GRIK2: variants seen among roughly 807,000 people sequenced by gnomAD.
The protein encoded by GRIK2 is glutamate ionotropic receptor kainate type subunit 2, also known as glutamate receptor ionotropic, kainate 2.
A neutral mutation model predicts 100.3 loss-of-function variants in GRIK2; 32 were observed. The observed-to-expected ratio is 0.32, with a 90% confidence interval of 0.24 to 0.43. The LOEUF (loss-of-function observed/expected upper bound fraction) is 0.43. Ranked by LOEUF, GRIK2 falls within the 20% of genes least tolerant of loss-of-function variation. The probability of loss-of-function intolerance (pLI) is 1.00; values close to 1 mark genes in which losing one functional copy is unlikely to be tolerated. For missense variants in GRIK2, 843 were observed against 1,114.9 expected (o/e 0.76, Z 3.47); for synonymous variants, 417 against 389.4 (o/e 1.07, Z -0.83).
chr6:101,574,810 C>A lies in GRIK2; in HGVS notation c.116-47139C>A, dbSNP rs114442134. ...TAAAATAACAGATATTATGTGGTAACCTATTTTTAATAAATTCAACTATTA... is the reference window on the plus strand; with the variant it reads ...TAAAATAACAGATATTATGTGGTAAACTATTTTTAATAAATTCAACTATTA... On this transcript the variant is annotated intron_variant, in intron 2 of 16. Transcript: ENST00000369134. Among the ~76,000 whole-genome samples, 1,048 of 151,666 alleles carry A rather than the reference C, an allele frequency of 6.9e-3. 18 individuals carry two copies. Among genetic ancestry groups the A allele is most frequent in the African/African-American group, 0.024 (997 of 41,438 alleles).
At chr6:101,834,757 G>A (rs1782954903) in intron 10 of GRIK2, among the ~76,000 whole-genome samples, 1 of 151,760 alleles carries the variant, frequency 6.6e-6, no homozygotes, top group Admixed American at 6.6e-5. Flanking sequence ...CACCTTCCAG[G>A]GCAGACATGG....
intron 15 of GRIK2, among the ~76,000 whole-genome samples, chr6:102,036,588 G>T (rs1156801565): frequency 6.6e-6 from 1 of 150,496 alleles, no homozygotes; most frequent in Non-Finnish European, 1.5e-5. Context: ...GTAGAGAGAG[G>T]GAGAGAGAAA....
chr6:101,530,482 C>T (rs553297364), intron 2 of GRIK2, among the ~76,000 whole-genome samples: 9 of 151,006 alleles, frequency 6.0e-5, no homozygotes, highest in South Asian at 4.2e-4. Context: ...TATGTATTCA[C>T]GAAAATAATC....
chr6:101,545,576 T>C (rs966600426), intron 2 of GRIK2, among the ~76,000 whole-genome samples: 2 of 152,180 alleles, frequency 1.3e-5, no homozygotes, highest in Non-Finnish European at 2.9e-5. Flanking sequence ...ATCTTTATCT[T>C]GCGGTGTTTC....
intron 7 of GRIK2, among the ~76,000 whole-genome samples, chr6:101,697,352 T>A (rs200560080): frequency 2.4e-4 from 4 of 16,536 alleles, no homozygotes; most frequent in Non-Finnish European, 1.6e-3. Flanking sequence ...TGTGTGTGTG[T>A]GTGTGTGTGT....
chr6:101,985,779 TAAGA>T (rs1447601066), intron 14 of GRIK2, among the ~76,000 whole-genome samples: 3 of 151,538 alleles, frequency 2.0e-5, no homozygotes, highest in African/African-American at 7.3e-5. Context: ...AAAATAAAAT[TAAGA>T]AAGAAAGTAA....
intron 2 of GRIK2, among the ~76,000 whole-genome samples, chr6:101,578,617 A>G (rs532226434): frequency 6.6e-6 from 1 of 151,480 alleles, no homozygotes; most frequent in Non-Finnish European, 1.5e-5. Flanking sequence ...GGTAGCCAGG[A>G]GGGGATAGAA....
intron 2 of GRIK2, among the ~76,000 whole-genome samples, chr6:101,444,840 A>C (rs2518249): frequency 0.96 from 146,404 of 152,164 alleles, 70,468 homozygotes; most frequent in African/African-American, 0.99. Flanking sequence ...ATCAGCATAT[A>C]CCTCTGTTTT....
intron 7 of GRIK2, among the ~76,000 whole-genome samples, chr6:101,773,437 G>A (rs1030876288): frequency 2.8e-5 from 4 of 143,140 alleles, no homozygotes; most frequent in Admixed American, 7.3e-5. Context: ...CCGAGATCGT[G>A]CCATTGCACT....
rs916810556 is a variant in GRIK2, at chr6:101,569,790, G to A, written c.116-52159G>A. On this transcript the variant is annotated intron_variant, in intron 2 of 16. Transcript: ENST00000369134. ...CTAAATCCTTTCGGAAGGAATGATT[G>A]TAATAAGGTGAGTAAATTCCTAGAT... 2.0e-5 allele frequency among the ~76,000 whole-genome samples: 3 copies of A among 152,024 alleles called. No individual in the cohort carries two copies. In the South Asian group the frequency reaches 6.2e-4, roughly 32 times the overall value.
chr6:101,636,743 A>G (rs1781039025), intron 4 of GRIK2, among the ~76,000 whole-genome samples: 1 of 149,030 alleles, frequency 6.7e-6, no homozygotes, highest in South Asian at 2.2e-4. Context: ...CCTCAATAAT[A>G]TTTGCATTTT....
At chr6:101,576,335 A>G (rs1477218031) in intron 2 of GRIK2, among the ~76,000 whole-genome samples, 1 of 152,088 alleles carries the variant, frequency 6.6e-6, no homozygotes, top group East Asian at 1.9e-4. Flanking sequence ...GGAAATCTGC[A>G]TGAAAGTCTC....
At chr6:101,745,902 C>T (rs951994888) in intron 7 of GRIK2, among the ~76,000 whole-genome samples, 4 of 152,162 alleles carry the variant, frequency 2.6e-5, no homozygotes, top group Non-Finnish European at 4.4e-5. Context: ...TGACTTAAAG[C>T]TTGAACTAAA....
At chr6:101,999,097 G>C (rs1157358926) in intron 14 of GRIK2, among the ~76,000 whole-genome samples, 1 of 151,722 alleles carries the variant, frequency 6.6e-6, no homozygotes, top group African/African-American at 2.4e-5. Flanking sequence ...TCTTTAATCT[G>C]CTGCATTTTT....
At chr6:101,434,180 G>A (rs1769585370) in intron 2 of GRIK2, among the ~76,000 whole-genome samples, 2 of 152,198 alleles carry the variant, frequency 1.3e-5, no homozygotes, top group African/African-American at 4.8e-5. Context: ...GGGACTAACA[G>A]CAGCAGAGTT....
chr6:101,771,468 A>AT (rs1778398336), intron 7 of GRIK2, among the ~76,000 whole-genome samples: 1 of 151,710 alleles, frequency 6.6e-6, no homozygotes, highest in Non-Finnish European at 1.5e-5. Flanking sequence ...TTATTAACCC[A>AT]TTTATGCCTG....
intron 7 of GRIK2, among the ~76,000 whole-genome samples, chr6:101,732,688 C>A (rs959091362): frequency 6.6e-6 from 1 of 152,052 alleles, no homozygotes; most frequent in Non-Finnish European, 1.5e-5. Flanking sequence ...TAAATCCAAA[C>A]CTTTCTCTTA....
At chr6:101,855,220 G>A (rs1259767000) in intron 10 of GRIK2, among the ~76,000 whole-genome samples, 1 of 152,112 alleles carries the variant, frequency 6.6e-6, no homozygotes, top group Non-Finnish European at 1.5e-5. Context: ...AGCACCAACG[G>A]CTTGCCAGTC....
intron 2 of GRIK2, among the ~76,000 whole-genome samples, chr6:101,423,985 G>A (rs1179896090): frequency 6.6e-6 from 1 of 152,072 alleles, no homozygotes; most frequent in East Asian, 1.9e-4. Flanking sequence ...AGTGGTAAAT[G>A]TCTACAGCCA....
Sources: gnomAD v4.1 joint callset for allele counts (sites outside exome capture counted in the v4.1 genomes callset) on GRCh38, gnomAD v4.1.1 for gene constraint, MANE v1.5 for transcripts, NCBI Gene and HGNC (gene_info 2026-07-23, HGNC 2026-07-21) for gene names.